The following SLC39A11 variants were observed in gnomAD, a reference collection of about 807,000 sequenced individuals.
SLC39A11 encodes the protein solute carrier family 39 member 11.
SLC39A11 carries 33 observed loss-of-function variants against 36.1 expected under a neutral mutation model. The ratio of observed to expected loss-of-function variants is 0.91; its 90% CI spans 0.69 to 1.22. The LOEUF is 1.22. SLC39A11 is among the 50% of genes most tolerant of loss of function. The probability of loss-of-function intolerance (pLI) is 0.00; values close to 1 mark genes in which losing one functional copy is unlikely to be tolerated. For synonymous variants in SLC39A11, 166 were observed against 170.3 expected (o/e 0.97, Z 0.20); for missense variants, 432 against 430.3 (o/e 1.00, Z -0.03).
At chr17:72,951,361 C>G (rs1221566876) in intron 4 of SLC39A11, among the ~76,000 whole-genome samples, 4 of 151,982 alleles carry the variant, frequency 2.6e-5, no homozygotes, top group Admixed American at 2.6e-4. Flanking sequence ...CCATAGCTCC[C>G]TGTAATGCTG....
intron 7 of SLC39A11, among the ~76,000 whole-genome samples, chr17:72,706,888 A>G (rs1162245054): frequency 6.6e-6 from 1 of 152,214 alleles, no homozygotes; most frequent in Non-Finnish European, 1.5e-5. Flanking sequence ...GGGCCCAGGC[A>G]TCAGTATTTG....
At chr17:72,667,825 T>A (rs756143192) in intron 7 of SLC39A11, among the ~76,000 whole-genome samples, 2 of 152,248 alleles carry the variant, frequency 1.3e-5, no homozygotes, top group Admixed American at 6.5e-5. Flanking sequence ...ACTTGCTCTA[T>A]GCAGAAAATA....
chr17:72,965,912 G>A (rs1014060558), intron 4 of SLC39A11, among the ~76,000 whole-genome samples: 8 of 152,152 alleles, frequency 5.3e-5, no homozygotes, highest in African/African-American at 1.7e-4. Flanking sequence ...CCTGAAGCCT[G>A]CTCTATACCA....
chr17:72,921,183 C>T (rs1157493491), intron 5 of SLC39A11, among the ~76,000 whole-genome samples: 1 of 152,202 alleles, frequency 6.6e-6, no homozygotes, highest in Non-Finnish European at 1.5e-5. Context: ...AGCCCAGCAT[C>T]TTGCTCCTTC....
intron 4 of SLC39A11, among the ~76,000 whole-genome samples, chr17:72,961,401 G>A (rs1352828720): frequency 7.1e-6 from 1 of 139,994 alleles, no homozygotes; most frequent in Non-Finnish European, 1.6e-5. Context: ...TAGACCCAAA[G>A]GATTATAAAT....
At chr17:73,068,238 C>A in intron 3 of SLC39A11, 9 of 825,206 alleles carry the variant, frequency 1.1e-5, no homozygotes, top group Non-Finnish European at 1.8e-5. Flanking sequence ...CCTTCCCCTC[C>A]AGTAGCACTT....
chr17:73,013,883 C>T (rs538866125), intron 4 of SLC39A11, among the ~76,000 whole-genome samples: 4 of 152,192 alleles, frequency 2.6e-5, no homozygotes, highest in East Asian at 3.9e-4. Flanking sequence ...GGCATTGTCA[C>T]CAATGACTCC....
chr17:72,708,819 G>C (rs576285511), intron 7 of SLC39A11, among the ~76,000 whole-genome samples: 53 of 152,180 alleles, frequency 3.5e-4, no homozygotes, highest in Non-Finnish European at 4.8e-4. Flanking sequence ...TTGCCTTCCT[G>C]TGTTGTTCAC....
Position 72,855,537 on chromosome 17 carries a change from A to G in SLC39A11, c.431-5733T>C, listed in dbSNP as rs117116282. 2.8e-4 allele frequency among the ~76,000 whole-genome samples: 42 copies of G among 152,324 alleles called. 1 individual carries two copies. The East Asian group carries it at 6.9e-3, about 25-fold the overall frequency. ...AAACCCCTGTTACAAAACAAAATGA[A>G]GAGTGGCCAGCAACATATATTCATT... is the stretch of plus-strand genomic sequence containing the variant. On this transcript the variant is annotated intron_variant, in intron 5 of 9. Coordinates refer to ENST00000255559, the MANE Select transcript of SLC39A11 (RefSeq NM_139177.4).
intron 4 of SLC39A11, among the ~76,000 whole-genome samples, chr17:73,030,692 C>T (rs770467876): frequency 1.4e-4 from 22 of 152,336 alleles, no homozygotes; most frequent in Admixed American, 1.1e-3. Context: ...TAGAACTTGT[C>T]GGGCCCAGTG....
At chr17:72,750,095 G>C (rs1307672369) in intron 6 of SLC39A11, among the ~76,000 whole-genome samples, 1 of 152,176 alleles carries the variant, frequency 6.6e-6, no homozygotes, top group African/African-American at 2.4e-5. Flanking sequence ...GGAATCAGGT[G>C]AACCTCTGCA....
At chr17:72,666,427 G>A (rs1008954430) in intron 7 of SLC39A11, among the ~76,000 whole-genome samples, 10 of 152,178 alleles carry the variant, frequency 6.6e-5, no homozygotes, top group East Asian at 3.8e-4. Flanking sequence ...TTTTCTACCC[G>A]CAAAACAATC....
chr17:72,890,187 C>A (rs1205509449), intron 5 of SLC39A11, among the ~76,000 whole-genome samples: 2 of 151,756 alleles, frequency 1.3e-5, no homozygotes, highest in Non-Finnish European at 2.9e-5. Flanking sequence ...ATCACTTGAA[C>A]CCAGGAGGCA....
intron 7 of SLC39A11, among the ~76,000 whole-genome samples, chr17:72,685,236 G>A (rs547490963): frequency 3.7e-3 from 403 of 108,044 alleles, no homozygotes; most frequent in Non-Finnish European, 6.3e-3. Flanking sequence ...ACTCTGCTCC[G>A]ATGCTACGAA....
At chr17:73,003,257 A>G (rs757462967) in intron 4 of SLC39A11, among the ~76,000 whole-genome samples, 9 of 152,222 alleles carry the variant, frequency 5.9e-5, no homozygotes, top group African/African-American at 1.4e-4. Context: ...TTACCTGCAA[A>G]TATCTGGAAA....
At chr17:72,658,572 G>T (rs1382763732) in intron 7 of SLC39A11, among the ~76,000 whole-genome samples, 3 of 152,130 alleles carry the variant, frequency 2.0e-5, no homozygotes, top group Non-Finnish European at 4.4e-5. Flanking sequence ...TAAAAGTTAG[G>T]GCCCTTGGAG....
chr17:73,064,130 G>A (rs890686206), intron 3 of SLC39A11, among the ~76,000 whole-genome samples: 1 of 152,092 alleles, frequency 6.6e-6, no homozygotes, highest in Non-Finnish European at 1.5e-5. Context: ...CTACGCACTG[G>A]TCGGTGTGAA....
intron 5 of SLC39A11, among the ~76,000 whole-genome samples, chr17:72,944,124 C>A (rs555590221): frequency 6.6e-6 from 1 of 152,302 alleles, no homozygotes; most frequent in South Asian, 2.1e-4. Flanking sequence ...AAACCCAACC[C>A]AACCCCCAGC....
intron 4 of SLC39A11, among the ~76,000 whole-genome samples, chr17:72,970,955 G>A (rs1279162881): frequency 2.0e-5 from 3 of 152,194 alleles, no homozygotes; most frequent in African/African-American, 7.2e-5. Context: ...GGTGTCTGGG[G>A]CTCTGGGTGT....
Sources: allele counts gnomAD v4.1 joint callset (sites outside exome capture counted in the v4.1 genomes callset), GRCh38; gene constraint gnomAD v4.1.1; transcripts MANE v1.5; gene names NCBI Gene and HGNC (gene_info 2026-07-23, HGNC 2026-07-21).